The following ORC3 variants were observed in gnomAD, a reference collection of about 807,000 sequenced individuals.
ORC3 encodes the protein homolog of latheo, Drosophila.
In ORC3, 78 loss-of-function variants were observed where a neutral mutation model predicts 100.7. The observed-to-expected ratio is 0.77, with a 90% CI of 0.65 to 0.94. ORC3 has a LOEUF of 0.94. Ranked by LOEUF, ORC3 falls within the 40% of genes least tolerant of loss-of-function variation. The pLI is 0.00. For missense variants in ORC3, 789 were observed against 823.9 expected (o/e 0.96, Z 0.52); for synonymous variants, 295 against 289.3 (o/e 1.02, Z -0.20).
chr6:87,638,278 G>T (rs1767974632), intron 13 of ORC3, among the ~76,000 whole-genome samples: 1 of 152,172 alleles, frequency 6.6e-6, no homozygotes, highest in African/African-American at 2.4e-5. Context: ...GGGAACCTCT[G>T]GGCTGGAATC....
chr6:87,636,655 A>G lies in ORC3; in HGVS notation c.1382+169A>G, dbSNP rs1423331354. Among the ~76,000 whole-genome samples the G allele has an allele frequency of 1.8e-4, 28 of 152,228 alleles. 1 individual carries two copies. On this transcript the variant is annotated intron_variant, in intron 13 of 19. Coordinates refer to ENST00000392844, the MANE Select transcript of ORC3 (RefSeq NM_012381.4). ...ATCCATGTAGCTTATGATGTTTTTA[A>G]TATAGCAACTATCCGTTTCTTTGCT...
At chr6:87,637,744 T>C (rs540555372) in intron 13 of ORC3, among the ~76,000 whole-genome samples, 1 of 152,276 alleles carries the variant, frequency 6.6e-6, no homozygotes, top group East Asian at 1.9e-4. Context: ...CCAGTTGTCT[T>C]AGGGTACAGT....
At chr6:87,650,774 G>A (rs558242829) in intron 13 of ORC3, among the ~76,000 whole-genome samples, 2 of 152,326 alleles carry the variant, frequency 1.3e-5, no homozygotes, top group African/African-American at 2.4e-5. Flanking sequence ...TTGGGAAGCC[G>A]AGGTGGGCGG....
chr6:87,675,970 G>C, the ORC3 span: 1 of 1,551,290 alleles, frequency 6.4e-7, no homozygotes, highest in South Asian at 1.2e-5. Flanking sequence ...TTTGTAAAAT[G>C]CCTTATTAGA....
Position 87,602,954 on chromosome 6 carries a change from A to AATATAT in ORC3, c.178-418_178-413dup, listed in dbSNP as rs397935596. ...CGTTTATATATATATACACATATAT[A>AATATAT]ATATATATATATATATACATATATA... On this transcript the variant is annotated intron_variant, in intron 3 of 19. Transcript: ENST00000392844. Among the ~76,000 whole-genome samples the AATATAT allele has an allele frequency of 8.9e-4, 85 of 95,258 alleles. 7 individuals are homozygous for AATATAT. The highest frequency in any genetic ancestry group is 1.7e-3 in the African/African-American group (41 of 23,788). The allele number at this position is 95,258 out of a possible 152,430, so 62.5% of individuals were successfully genotyped here.
At chr6:87,647,304 A>G (rs916816706) in intron 13 of ORC3, among the ~76,000 whole-genome samples, 9 of 151,964 alleles carry the variant, frequency 5.9e-5, no homozygotes, top group Admixed American at 5.9e-4. Context: ...TCTCCATTTC[A>G]GACATCTTGG....
At chr6:87,674,644 T>TA in the ORC3 span, among the ~76,000 whole-genome samples, 1,994 of 133,338 alleles carry the variant, frequency 0.015, 40 homozygotes, top group African/African-American at 0.054. Context: ...ATATATATAT[T>TA]TTTTTTTTTT....
chr6:87,641,522 A>G (rs1315176319), intron 13 of ORC3, among the ~76,000 whole-genome samples: 5 of 152,226 alleles, frequency 3.3e-5, no homozygotes, highest in Non-Finnish European at 7.3e-5. Flanking sequence ...GACACTAGTC[A>G]TATTGGCACA....
intron 11 of ORC3, among the ~76,000 whole-genome samples, chr6:87,627,457 G>A (rs1173114612): frequency 6.7e-6 from 1 of 150,248 alleles, no homozygotes; most frequent in African/African-American, 2.4e-5. Flanking sequence ...CACCACACCC[G>A]GCTAATTTTT....
At position 87,644,079 on chromosome 6, in the gene ORC3, C is replaced by CTTTTT. The variant is rs1156943778; in HGVS notation, c.1382+7620_1382+7624dup. Among the ~76,000 whole-genome samples the CTTTTT allele has an allele frequency of 4.8e-3, 249 of 51,414 alleles. 47 individuals carry two copies. The highest frequency in any genetic ancestry group is 0.017 in the African/African-American group (182 of 10,514). The allele number at this position is 51,414 out of a possible 152,430, so 33.7% of individuals were successfully genotyped here. Reference sequence around the variant, plus strand: ...CCACAGATACAGATGGCTGACTGTCCTTTTTTTTTTTTTTTTTTTTTTTTT... The same window carrying CTTTTT: ...CCACAGATACAGATGGCTGACTGTCCTTTTTTTTTTTTTTTTTTTTTTTTTTTTTT... On this transcript the variant is annotated intron_variant, in intron 13 of 19. Transcript: ENST00000392844.
intron 11 of ORC3, among the ~76,000 whole-genome samples, chr6:87,626,758 G>A (rs940743331): frequency 1.3e-4 from 19 of 146,890 alleles, no homozygotes; most frequent in African/African-American, 4.6e-4. Flanking sequence ...CTGCACTCCA[G>A]CCTGGGCAAC....
chr6:87,640,767 T>A (rs1768183728), intron 13 of ORC3, among the ~76,000 whole-genome samples: 1 of 152,198 alleles, frequency 6.6e-6, no homozygotes, highest in African/African-American at 2.4e-5. Flanking sequence ...TTTTTAAAAT[T>A]CACTGAACCT....
chr6:87,674,812 C>T, the ORC3 span, among the ~76,000 whole-genome samples: 4,640 of 151,436 alleles, frequency 0.031, 235 homozygotes, highest in African/African-American at 0.11. Flanking sequence ...TGTTTTGAAA[C>T]AGCACTCAAA....
chr6:87,656,957 A>G lies in ORC3; in HGVS notation c.1568A>G (p.Lys523Arg). 1 of 1,612,470 alleles carries G rather than the reference A, an allele frequency of 6.2e-7. No homozygotes were observed. Residue 523 changes from lysine (K) to arginine (R), a missense_variant, in exon 15 of 20, where the codon AAG (lysine) becomes AGG (arginine). By Grantham distance (26) the Lys-to-Arg change is conservative. Transcript: ENST00000392844. ...GGGTCACAGCCAAAGGGGCTTCAGA[A>G]GACAGACCTCTATCATCTTCAGAAG... ...ASGSQPKGLQ[K>R]TDLYHLQKSL...
chr6:87,617,036 G>C (rs925626729), intron 9 of ORC3, among the ~76,000 whole-genome samples: 2 of 152,184 alleles, frequency 1.3e-5, no homozygotes, highest in Non-Finnish European at 2.9e-5. Context: ...GACCTCAGGT[G>C]ATCCACCCAC....
chr6:87,645,890 T>G (rs1177326898), intron 13 of ORC3, among the ~76,000 whole-genome samples: 1 of 152,156 alleles, frequency 6.6e-6, no homozygotes, highest in Non-Finnish European at 1.5e-5. Context: ...TCAACTCCTG[T>G]GACAGATTAC....
At chr6:87,634,548 C>G (rs537254445) in intron 11 of ORC3, among the ~76,000 whole-genome samples, 1 of 152,328 alleles carries the variant, frequency 6.6e-6, no homozygotes, top group East Asian at 1.9e-4. Flanking sequence ...CACTAAGGTG[C>G]TTTCTTGCAT....
At position 87,609,074 on chromosome 6, in the gene ORC3, T is replaced by G. The variant is rs765143239; in HGVS notation, c.580-22T>G. 21 of 1,578,814 alleles carry G rather than the reference T, an allele frequency of 1.3e-5. 1 individual carries two copies. The South Asian group carries it at 2.5e-4, about 19-fold the overall frequency. On this transcript the variant is annotated intron_variant, in intron 6 of 19. Coordinates refer to ENST00000392844, the MANE Select transcript of ORC3 (RefSeq NM_012381.4). The stretch of plus-strand genomic sequence containing the variant: ...GTGGTAAGGCTTACCTTTAACTCTT[T>G]CTTTCTGCAATGGCTTAAAAGAAGA...
In ORC3 at chr6:87,621,422, A is replaced by G. The variant is rs1423204814; in HGVS notation, c.1056A>G (p.Lys352=). ...SVLCCNLPEA[K]RRINFLSNNQ... is the part of the protein sequence containing the mutation. ...TGTGCTGTAATCTTCCAGAAGCCAA[A>G]AGAAGAATAAATTTTTTATCAAATA... Residue 352 remains lysine, a synonymous_variant, in exon 10 of 20, where the codon AAA becomes AAG. Coordinates refer to ENST00000392844, the MANE Select transcript of ORC3 (RefSeq NM_012381.4). The G allele has an allele frequency of 1.9e-5, 31 of 1,603,332 alleles. No homozygotes were observed. Among genetic ancestry groups the G allele is most frequent in the Non-Finnish European group, 2.6e-5 (31 of 1,175,158 alleles).
Sources: gnomAD v4.1 joint callset for allele counts (sites outside exome capture counted in the v4.1 genomes callset) on GRCh38, gnomAD v4.1.1 for gene constraint, MANE v1.5 for transcripts, NCBI Gene and HGNC (gene_info 2026-07-23, HGNC 2026-07-21) for gene names.